RYR2: variants seen among roughly 807,000 people sequenced by gnomAD.
The protein encoded by RYR2 is ryanodine receptor 2, also known as cardiac muscle ryanodine receptor-calcium release channel.
Under a neutral mutation model 601.1 loss-of-function variants are expected in RYR2, and 227 were observed. The ratio of observed to expected loss-of-function variants is 0.38; its 90% CI spans 0.34 to 0.42. The LOEUF is 0.42. Among genes scored for constraint, RYR2 ranks in the 10% least tolerant of loss-of-function variants. The probability of loss-of-function intolerance (pLI) is 1.00; values close to 1 mark genes in which losing one functional copy is unlikely to be tolerated. For missense variants in RYR2, 4,646 were observed against 6,156.5 expected, an observed-to-expected ratio of 0.75 and a Z score of 8.21; for synonymous variants, 2,223 against 2,175.1, an observed-to-expected ratio of 1.02 and a Z score of -0.61.
intron 2 of RYR2, among the ~76,000 whole-genome samples, chr1:237,290,566 CA>C (rs1183549048): frequency 5.3e-5 from 8 of 152,032 alleles, no homozygotes; most frequent in African/African-American, 1.9e-4. Flanking sequence ...GCACAAACTA[CA>C]AAGCAAAATA....
intron 56 of RYR2, among the ~76,000 whole-genome samples, chr1:237,664,930 G>T (rs1325365046): frequency 6.6e-6 from 1 of 152,204 alleles, no homozygotes; most frequent in African/African-American, 2.4e-5. Context: ...GGGAACTATG[G>T]TGTTGATAGC....
chr1:237,104,399 G>C (rs565171981), intron 1 of RYR2, among the ~76,000 whole-genome samples: 56 of 152,136 alleles, frequency 3.7e-4, no homozygotes, highest in African/African-American at 1.3e-3. Flanking sequence ...GCCCTCACCC[G>C]CTGCTGTCCC....
At chr1:237,633,451 T>C in intron 42 of RYR2, 127 bp from the exon 43 acceptor site, 1 of 1,067,376 alleles carries the variant, frequency 9.4e-7, no homozygotes, top group South Asian at 1.6e-5. Flanking sequence ...TGAAGATCTT[T>C]GGTATCTGAA....
chr1:237,796,845 C>T (rs1659299189), intron 96 of RYR2, among the ~76,000 whole-genome samples: 1 of 151,958 alleles, frequency 6.6e-6, no homozygotes, highest in Non-Finnish European at 1.5e-5. Flanking sequence ...AGTGCAATGG[C>T]ATGATTTCAG....
intron 25 of RYR2, among the ~76,000 whole-genome samples, chr1:237,535,953 G>T (rs1375442454): frequency 2.6e-5 from 4 of 152,054 alleles, no homozygotes; most frequent in African/African-American, 9.7e-5. Context: ...AGGGGCAACA[G>T]AAACCAATAA....
chr1:237,597,847 T>C (rs1263455377), intron 34 of RYR2, among the ~76,000 whole-genome samples: 1 of 152,168 alleles, frequency 6.6e-6, no homozygotes, highest in Non-Finnish European at 1.5e-5. Context: ...TAACCTTGAA[T>C]GTAAATGAAT....
intron 11 of RYR2, among the ~76,000 whole-genome samples, chr1:237,421,042 C>T (rs1443145512): frequency 2.0e-5 from 3 of 152,154 alleles, no homozygotes; most frequent in African/African-American, 7.2e-5. Flanking sequence ...AGATCGAGAC[C>T]ATCCTGGCTA....
intron 38 of RYR2, 62 bp from the exon 39 acceptor site, chr1:237,623,703 T>C: frequency 8.9e-7 from 1 of 1,121,616 alleles, no homozygotes; most frequent in South Asian, 1.3e-5. Flanking sequence ...TGCTGTGCCA[T>C]TCTTGAATTC....
At chr1:237,725,252 T>C (rs532468775) in intron 74 of RYR2, among the ~76,000 whole-genome samples, 3 of 152,218 alleles carry the variant, frequency 2.0e-5, no homozygotes, top group Admixed American at 2.0e-4. Context: ...TATGGCGAGA[T>C]TGGTTTATCA....
At chr1:237,818,758 T>G (rs764562448) in intron 100 of RYR2, among the ~76,000 whole-genome samples, 2 of 151,372 alleles carry the variant, frequency 1.3e-5, no homozygotes, top group African/African-American at 2.4e-5. Flanking sequence ...GCCAAGATAC[T>G]AGATACAAGA....
intron 5 of RYR2, among the ~76,000 whole-genome samples, chr1:237,365,927 C>T (rs1700155530): frequency 6.6e-6 from 1 of 152,188 alleles, no homozygotes; most frequent in Non-Finnish European, 1.5e-5. Context: ...GCCCCCAGTT[C>T]TTTTAACTTC....
chr1:237,745,912 ATT>A (rs34696824), intron 80 of RYR2, among the ~76,000 whole-genome samples: 1 of 145,602 alleles, frequency 6.9e-6, no homozygotes, highest in Non-Finnish European at 1.5e-5. Flanking sequence ...TCCTAATGAG[ATT>A]TTTTTTTTTT....
rs1224834525 is a variant in RYR2, at chr1:237,726,260, T to G, written c.10690-13T>G. 6.4e-7 allele frequency: 1 copy of G among 1,558,694 alleles called. No individual in the cohort carries two copies. Among genetic ancestry groups the G allele is most frequent in the South Asian group, 1.2e-5 (1 of 84,606 alleles). On this transcript the variant is annotated splice_polypyrimidine_tract_variant and intron_variant, in intron 74 of 104. Transcript: ENST00000366574. The stretch of plus-strand genomic sequence containing the variant: ...TACTTTTTTAGCTAACATAACATTT[T>G]TATTTCTTTCAGAAGTCTAAACGTG...
At chr1:237,397,186 T>C (rs1019882265) in intron 10 of RYR2, among the ~76,000 whole-genome samples, 11 of 151,140 alleles carry the variant, frequency 7.3e-5, no homozygotes, top group African/African-American at 2.4e-4. Flanking sequence ...TGCAGTGAGC[T>C]GAGGTCATGC....
At chr1:237,511,834 G>GAA (rs71561879) in intron 24 of RYR2, 43 bp downstream of exon 24, 2,888 of 188,086 alleles carry the variant, frequency 0.015, 100 homozygotes, top group East Asian at 0.02. Flanking sequence ...TGCCTTCCCT[G>GAA]AAAAAAAAAA....
At chr1:237,730,470 G>A (rs2149160557) in intron 77 of RYR2, 114 bp downstream of exon 77, 1 of 540,840 alleles carries the variant, frequency 1.8e-6, no homozygotes, top group African/African-American at 1.9e-5. Context: ...CAGTATATGG[G>A]TATTAGGAAA....
intron 27 of RYR2, chr1:237,554,964 C>T (rs1004194242): frequency 4.6e-5 from 7 of 152,008 alleles, no homozygotes; most frequent in African/African-American, 1.7e-4. Flanking sequence ...GTTAAACTTT[C>T]AGACATTTAT....
At chr1:237,114,174 GA>G (rs1175116658) in intron 1 of RYR2, among the ~76,000 whole-genome samples, 30 of 152,296 alleles carry the variant, frequency 2.0e-4, no homozygotes, top group African/African-American at 6.0e-4. Flanking sequence ...ACGGGGATTA[GA>G]GAGTAGAGAA....
At chr1:237,434,444 G>C (rs1177540307) in intron 12 of RYR2, among the ~76,000 whole-genome samples, 1 of 152,078 alleles carries the variant, frequency 6.6e-6, no homozygotes, top group East Asian at 1.9e-4. Flanking sequence ...CTTACATAAC[G>C]AAGAATGCTA....
Sources: allele counts gnomAD v4.1 joint callset (sites outside exome capture counted in the v4.1 genomes callset), GRCh38; gene constraint gnomAD v4.1.1; transcripts MANE v1.5; gene names NCBI Gene and HGNC (gene_info 2026-07-23, HGNC 2026-07-21).